Variants in ANTXR2 observed in about 807,000 individuals in gnomAD.
ANTXR2 encodes anthrax toxin receptor 2.
ANTXR2 carries 44 observed loss-of-function variants against 73.7 expected under a neutral mutation model. The observed-to-expected ratio is 0.60, with a 90% CI of 0.47 to 0.77. The LOEUF is 0.77. Ranked by LOEUF, ANTXR2 falls within the 30% of genes least tolerant of loss-of-function variation. The pLI is 0.00. For synonymous variants in ANTXR2, 217 were observed against 205.9 expected (o/e 1.05, Z -0.46); for missense variants, 604 against 592.5 (o/e 1.02, Z -0.20).
chr4:79,962,598 G>C (rs1394802822), intron 16 of ANTXR2, among the ~76,000 whole-genome samples: 1 of 151,900 alleles, frequency 6.6e-6, no homozygotes, highest in Non-Finnish European at 1.5e-5. Flanking sequence ...TAAACAATGG[G>C]TTTACAGTTT....
chr4:80,043,546 G>A (rs916411204), intron 7 of ANTXR2, among the ~76,000 whole-genome samples: 4 of 151,860 alleles, frequency 2.6e-5, no homozygotes, highest in Admixed American at 6.6e-5. Context: ...CTAACTGATC[G>A]TATAAAATTT....
At chr4:79,931,776 C>T (rs73828813) in intron 16 of ANTXR2, among the ~76,000 whole-genome samples, 13,892 of 152,128 alleles carry the variant, frequency 0.091, 735 homozygotes, top group Middle Eastern at 0.23. Context: ...GCCACAAATG[C>T]ATTAATTTAG....
At chr4:79,979,631 T>C (rs1446010327) in intron 14 of ANTXR2, among the ~76,000 whole-genome samples, 1 of 152,186 alleles carries the variant, frequency 6.6e-6, no homozygotes, top group Admixed American at 6.5e-5. Context: ...TCAATGATAC[T>C]AGAATGTTTT....
At chr4:80,065,137 G>T (rs1734436300) in intron 3 of ANTXR2, among the ~76,000 whole-genome samples, 1 of 152,142 alleles carries the variant, frequency 6.6e-6, no homozygotes, top group Admixed American at 6.5e-5. Context: ...CATAATAATT[G>T]TTCAATAAAT....
intron 12 of ANTXR2, among the ~76,000 whole-genome samples, chr4:79,991,211 G>T (rs1176904025): frequency 6.6e-6 from 1 of 151,910 alleles, no homozygotes; most frequent in Non-Finnish European, 1.5e-5. Context: ...ATCCAGTAAA[G>T]GTCTAATATC....
In ANTXR2 at chr4:80,072,782, G is replaced by A. The variant is rs1734878538; in HGVS notation, c.-222C>T. On this transcript the variant is annotated 5_prime_UTR_variant, in exon 1 of 17. Transcript: ENST00000403729. Reference sequence around the variant, plus strand: ...CTCCGCCACCGCCGCAGCTGCCGCCGGAACTCTTGACGAATCCCAGTGGAA... The same window carrying A: ...CTCCGCCACCGCCGCAGCTGCCGCCAGAACTCTTGACGAATCCCAGTGGAA... 8.2e-7 allele frequency: 1 copy of A among 1,213,412 alleles called. No homozygotes were observed. Among genetic ancestry groups the A allele is most frequent in the African/African-American group, 1.6e-5 (1 of 63,148 alleles). The allele number at this position is 1,213,412 out of a possible 1,614,324, so 75.2% of individuals were successfully genotyped here. A position where few individuals can be genotyped will look rare whatever the true frequency, so the allele number is the denominator to read the frequency against.
chr4:79,910,507 CAAAAAAAAAA>C (rs144527286), intron 16 of ANTXR2, among the ~76,000 whole-genome samples: 1 of 95,652 alleles, frequency 1.0e-5, no homozygotes. Context: ...GACTCCGTCT[CAAAAAAAAAA>C]AAAAAGAAAA....
At chr4:79,936,171 C>T (rs879644130) in intron 16 of ANTXR2, among the ~76,000 whole-genome samples, 5 of 152,148 alleles carry the variant, frequency 3.3e-5, no homozygotes, top group Non-Finnish European at 5.9e-5. Flanking sequence ...CAGTACAATA[C>T]CACTTTTTAA....
chr4:80,026,434 C>CGA (rs1166873654), intron 10 of ANTXR2, among the ~76,000 whole-genome samples: 3 of 152,092 alleles, frequency 2.0e-5, no homozygotes, highest in Non-Finnish European at 2.9e-5. Flanking sequence ...TTCTTTATAG[C>CGA]AGTGTGAGAA....
intron 10 of ANTXR2, among the ~76,000 whole-genome samples, chr4:80,021,446 G>A (rs1338848175): frequency 6.6e-6 from 1 of 151,832 alleles, no homozygotes; most frequent in Non-Finnish European, 1.5e-5. Context: ...TTTATTTTTT[G>A]GAAAGATAAT....
intron 3 of ANTXR2, among the ~76,000 whole-genome samples, chr4:80,066,368 C>G (rs1380349421): frequency 1.3e-5 from 2 of 152,148 alleles, no homozygotes; most frequent in East Asian, 3.9e-4. Context: ...CCTAGGCATT[C>G]TCAGTGTTAT....
At chr4:79,915,040 T>C (rs1328396629) in intron 16 of ANTXR2, among the ~76,000 whole-genome samples, 1 of 152,150 alleles carries the variant, frequency 6.6e-6, no homozygotes, top group Non-Finnish European at 1.5e-5. Context: ...TCAAATAATT[T>C]TCAGGCAATG....
In ANTXR2 at chr4:79,905,706, G is replaced by A. The variant is rs1242695893; in HGVS notation, c.*1723C>T. 1 of 152,334 alleles carries A rather than the reference G, an allele frequency of 6.6e-6. No individual in the cohort carries two copies. Among genetic ancestry groups the A allele is most frequent in the Non-Finnish European group, 1.5e-5 (1 of 68,046 alleles). The allele number at this position is 152,334 out of a possible 1,614,324, so 9.4% of individuals were successfully genotyped here. A position where few individuals can be genotyped will look rare whatever the true frequency, so the allele number is the denominator to read the frequency against. On this transcript the variant is annotated 3_prime_UTR_variant, in exon 17 of 17. Transcript: ENST00000403729. ...TAGAAAATTATATATTTGTGTGTGT[G>A]TGTAAGGCCTCTTGGAACAGTGCCA... is the stretch of plus-strand genomic sequence containing the variant.
chr4:80,050,643 C>A (rs72655042), intron 7 of ANTXR2, among the ~76,000 whole-genome samples: 20,470 of 151,606 alleles, frequency 0.14, 2,754 homozygotes, highest in East Asian at 0.71. Context: ...ATTACATTGC[C>A]GGACATACCC....
At chr4:79,910,541 AAAG>A (rs1378685198) in intron 16 of ANTXR2, among the ~76,000 whole-genome samples, 2 of 151,516 alleles carry the variant, frequency 1.3e-5, no homozygotes, top group East Asian at 3.9e-4. Flanking sequence ...AGAAAAAAAA[AAAG>A]AAAACAAAAA....
intron 16 of ANTXR2, among the ~76,000 whole-genome samples, chr4:79,950,779 T>C (rs982243197): frequency 2.6e-5 from 4 of 152,320 alleles, no homozygotes; most frequent in African/African-American, 9.6e-5. Flanking sequence ...AAGCCTGACG[T>C]TCCTGCCAAA....
At chr4:79,936,906 C>A (rs1449316562) in intron 16 of ANTXR2, among the ~76,000 whole-genome samples, 2 of 152,048 alleles carry the variant, frequency 1.3e-5, no homozygotes, top group Non-Finnish European at 2.9e-5. Context: ...GTAAAAACTA[C>A]ACTTATATTT....
chr4:79,918,608 A>T (rs1022570831), intron 16 of ANTXR2, among the ~76,000 whole-genome samples: 1 of 152,118 alleles, frequency 6.6e-6, no homozygotes, highest in African/African-American at 2.4e-5. Context: ...TTCAGAGAAA[A>T]TACCCTTTAA....
At chr4:79,996,964 A>T (rs987555377) in intron 12 of ANTXR2, among the ~76,000 whole-genome samples, 1 of 150,088 alleles carries the variant, frequency 6.7e-6, no homozygotes, top group African/African-American at 2.5e-5. Context: ...TTCTTCTCCA[A>T]TTTTTTTTTC....
Sources: gnomAD v4.1 joint callset for allele counts (sites outside exome capture counted in the v4.1 genomes callset) on GRCh38, gnomAD v4.1.1 for gene constraint, MANE v1.5 for transcripts, NCBI Gene and HGNC (gene_info 2026-07-23, HGNC 2026-07-21) for gene names.